Variants in CELF1 observed in about 807,000 individuals in gnomAD.
The protein encoded by CELF1 is CUGBP Elav-like family member 1.
Under a neutral mutation model 61.8 loss-of-function variants are expected in CELF1, and 10 were observed. The observed-to-expected ratio is 0.16, with a 90% CI of 0.10 to 0.27. The LOEUF (loss-of-function observed/expected upper bound fraction) is 0.27. Among genes scored for constraint, CELF1 ranks in the 10% least tolerant of loss-of-function variants. The pLI, the probability that CELF1 is intolerant of heterozygous loss-of-function variation, is 1.00. For synonymous variants in CELF1, 236 were observed against 225.1 expected, an observed-to-expected ratio of 1.05 and a Z score of -0.43; for missense variants, 380 against 639.1, an observed-to-expected ratio of 0.59 and a Z score of 4.37.
chr11:47,504,514 C>T (rs2094293301), intron 1 of CELF1, among the ~76,000 whole-genome samples: 1 of 152,048 alleles, frequency 6.6e-6, no homozygotes, highest in East Asian at 1.9e-4. Flanking sequence ...GGAAGGTCAA[C>T]GCTGCAGTGA....
At chr11:47,498,648 A>G (rs1414491523) in intron 3 of CELF1, among the ~76,000 whole-genome samples, 1 of 152,194 alleles carries the variant, frequency 6.6e-6, no homozygotes, top group African/African-American at 2.4e-5. Context: ...AATACTCTGA[A>G]GCCTGGTTAC....
intron 1 of CELF1, among the ~76,000 whole-genome samples, chr11:47,531,739 T>C (rs2096483978): frequency 6.6e-6 from 1 of 152,222 alleles, no homozygotes; most frequent in African/African-American, 2.4e-5. Flanking sequence ...TTAGAAGTAT[T>C]TTTGAGGCCT....
chr11:47,495,485 G>T (rs2092910715), intron 3 of CELF1, among the ~76,000 whole-genome samples: 1 of 152,118 alleles, frequency 6.6e-6, no homozygotes, highest in African/African-American at 2.4e-5. Context: ...AGTGGAAATG[G>T]TTACACAACT....
At chr11:47,558,622 A>ATT (rs1163028100) in intron 2 of CELF1, among the ~76,000 whole-genome samples, 91 of 114,038 alleles carry the variant, frequency 8.0e-4, no homozygotes, top group Middle Eastern at 6.3e-3. Context: ...TGTGCAATAT[A>ATT]ATATATAATA....
Position 47,472,183 on chromosome 11 carries a change from C to A in CELF1, c.*47G>T. On this transcript the variant is annotated 3_prime_UTR_variant, in exon 15 of 15. Coordinates refer to ENST00000687097, the MANE Select transcript of CELF1 (RefSeq NM_001376376.1). The stretch of plus-strand genomic sequence containing the variant: ...TCGAATCATTAAGGGTGCTCCTCCC[C>A]CACTTACCAGAAGACCCTCTCACTC... 1 of 1,607,038 alleles carries A rather than the reference C, an allele frequency of 6.2e-7. No homozygotes were observed. The highest frequency in any genetic ancestry group is 1.3e-5 in the African/African-American group (1 of 74,906).
At chr11:47,488,745 C>T in intron 4 of CELF1, 92 bp downstream of exon 4, 1 of 1,027,764 alleles carries the variant, frequency 9.7e-7, no homozygotes, top group Non-Finnish European at 1.3e-6. Flanking sequence ...TATAAAAATC[C>T]AATTTTTTGT....
At chr11:47,563,768 C>A (rs2097234202) in intron 2 of CELF1, among the ~76,000 whole-genome samples, 1 of 152,206 alleles carries the variant, frequency 6.6e-6, no homozygotes, top group Non-Finnish European at 1.5e-5. Flanking sequence ...TGCCTGTAAT[C>A]CCGGCACTTT....
At chr11:47,483,557 C>T in intron 7 of CELF1, 25 bp from the exon 8 acceptor site, 1 of 1,560,576 alleles carries the variant, frequency 6.4e-7, no homozygotes, top group Non-Finnish European at 8.8e-7. Flanking sequence ...GTCAGTAACT[C>T]ATGCATTCAT....
At chr11:47,478,322 C>A (rs2081194160) in intron 10 of CELF1, among the ~76,000 whole-genome samples, 3 of 152,204 alleles carry the variant, frequency 2.0e-5, no homozygotes, top group Non-Finnish European at 4.4e-5. Context: ...CTGTCCCATG[C>A]CCTACCCCCA....
At chr11:47,540,713 G>A (rs1444480094) in intron 1 of CELF1, among the ~76,000 whole-genome samples, 6 of 151,992 alleles carry the variant, frequency 3.9e-5, no homozygotes, top group Admixed American at 1.3e-4. Flanking sequence ...GTGAAACCCC[G>A]TCTCTACTAA....
At chr11:47,558,635 A>G (rs1402140644) in intron 2 of CELF1, among the ~76,000 whole-genome samples, 3 of 117,482 alleles carry the variant, frequency 2.6e-5, no homozygotes, top group Non-Finnish European at 4.9e-5. Flanking sequence ...ATATAATATA[A>G]TGTGTAATAT....
At chr11:47,487,105 T>C in intron 5 of CELF1, 54 bp downstream of exon 5, 2 of 1,311,474 alleles carry the variant, frequency 1.5e-6, no homozygotes, top group Admixed American at 1.7e-5. Flanking sequence ...TGTGTAAGTA[T>C]ATCCCACATA....
chr11:47,494,972 G>C (rs11039264), intron 3 of CELF1, among the ~76,000 whole-genome samples: 2 of 152,166 alleles, frequency 1.3e-5, no homozygotes, highest in Admixed American at 1.3e-4. Flanking sequence ...GGCTGGTCTC[G>C]AACTCCTGGC....
chr11:47,527,254 G>C lies in CELF1; in HGVS notation c.-154+25738C>G, dbSNP rs370533963. 4.0e-4 allele frequency among the ~76,000 whole-genome samples: 61 copies of C among 152,180 alleles called. No individual in the cohort carries two copies. In the East Asian group the frequency reaches 7.0e-3, roughly 17 times the overall value. ...AAGAAGTAAAAAATTAGCCGGACAT[G>C]GTGGCACGTGCCTGTAGTCCCAACT... On this transcript the variant is annotated intron_variant, in intron 1 of 14. Coordinates refer to ENST00000687097, the MANE Select transcript of CELF1 (RefSeq NM_001376376.1).
intron 6 of CELF1, among the ~76,000 whole-genome samples, 188 bp downstream of exon 6, chr11:47,486,548 TACAGGCATGCACAA>T (rs201826871): frequency 1.3e-5 from 2 of 152,080 alleles, no homozygotes; most frequent in East Asian, 3.9e-4. Context: ...TAGCTGGGAT[TACAGGCATGCACAA>T]CCATACCCAG....
chr11:47,504,635 T>C (rs1217823818), intron 1 of CELF1, among the ~76,000 whole-genome samples: 1 of 141,058 alleles, frequency 7.1e-6, no homozygotes, highest in African/African-American at 2.5e-5. Context: ...GCGCGGTGGC[T>C]CACCGCCTCT....
intron 3 of CELF1, among the ~76,000 whole-genome samples, chr11:47,489,935 G>GTTTTGTTTTTTTTTTTTT (rs2090221098): frequency 2.1e-5 from 1 of 48,226 alleles, no homozygotes; most frequent in Non-Finnish European, 3.9e-5. Context: ...ATACCATCTT[G>GTTTTGTTTTTTTTTTTTT]TTTTTTTTTT....
chr11:47,498,775 T>C (rs1362963368), intron 3 of CELF1, among the ~76,000 whole-genome samples: 2 of 152,186 alleles, frequency 1.3e-5, no homozygotes, highest in South Asian at 2.1e-4. Flanking sequence ...ACAGCAGTTC[T>C]TGGACAGTAC....
chr11:47,484,546 A>C (rs1596392111), intron 6 of CELF1, 23 bp from the exon 7 acceptor site: 2 of 1,594,174 alleles, frequency 1.3e-6, no homozygotes, highest in Non-Finnish European at 1.7e-6. Context: ...AACAGAAAAG[A>C]CTTGAATATT....
Sources: gnomAD v4.1 joint callset for allele counts (sites outside exome capture counted in the v4.1 genomes callset) on GRCh38, gnomAD v4.1.1 for gene constraint, MANE v1.5 for transcripts, NCBI Gene and HGNC (gene_info 2026-07-23, HGNC 2026-07-21) for gene names.